The following GOLM2 variants were observed in gnomAD, a reference collection of about 807,000 sequenced individuals.
GOLM2 encodes the protein protein GOLM2.
In GOLM2, 26 loss-of-function variants were observed where a neutral mutation model predicts 55.9. That is an observed-to-expected ratio of 0.47 (90% confidence interval 0.34 to 0.65). GOLM2 has a LOEUF of 0.65. GOLM2 is among the 30% of genes least tolerant of loss of function. The probability of loss-of-function intolerance (pLI) is 0.01; values close to 1 mark genes in which losing one functional copy is unlikely to be tolerated. For synonymous variants in GOLM2, 165 were observed against 194.6 expected (o/e 0.85, Z 1.27); for missense variants, 486 against 531.8 (o/e 0.91, Z 0.85).
chr15:44,392,498 A>T (rs2079497581), intron 8 of GOLM2, among the ~76,000 whole-genome samples: 2 of 151,906 alleles, frequency 1.3e-5, no homozygotes, highest in Non-Finnish European at 2.9e-5. Context: ...TGGTGCGCAC[A>T]TATAGTACCA....
intron 1 of GOLM2, among the ~76,000 whole-genome samples, chr15:44,322,166 G>A (rs553482209): frequency 2.0e-4 from 31 of 152,072 alleles, no homozygotes; most frequent in Admixed American, 7.2e-4. Context: ...TCAGGAGTTC[G>A]AGACCAGCCT....
chr15:44,331,975 C>G lies in GOLM2; in HGVS notation c.486-13C>G. On this transcript the variant is annotated splice_polypyrimidine_tract_variant and intron_variant, in intron 3 of 9. Transcript: ENST00000299957. ...AAGATAATATAATCTAAAAGAATGACTTTGTAATTTAGTTTTCAGTGTGGA... is the reference window on the plus strand; with the variant it reads ...AAGATAATATAATCTAAAAGAATGAGTTTGTAATTTAGTTTTCAGTGTGGA... 6.5e-7 allele frequency: 1 copy of G among 1,545,076 alleles called. No homozygotes were observed. The highest frequency in any genetic ancestry group is 8.9e-7 in the Non-Finnish European group (1 of 1,120,856).
At chr15:44,394,786 T>A (rs2079513781) in intron 8 of GOLM2, among the ~76,000 whole-genome samples, 1 of 152,174 alleles carries the variant, frequency 6.6e-6, no homozygotes, top group Admixed American at 6.6e-5. Flanking sequence ...CTTGAAATAG[T>A]CACAACTCTA....
intron 8 of GOLM2, among the ~76,000 whole-genome samples, chr15:44,401,080 T>C (rs530476021): frequency 1.4e-4 from 21 of 152,180 alleles, no homozygotes; most frequent in South Asian, 2.1e-4. Context: ...TTCCTGAGTG[T>C]TCCATTGCAA....
intron 8 of GOLM2, among the ~76,000 whole-genome samples, chr15:44,383,862 A>C (rs2079422093): frequency 2.0e-5 from 3 of 151,746 alleles, no homozygotes; most frequent in Admixed American, 2.0e-4. Context: ...ATTTTTAAAC[A>C]AAAATGAGGT....
At position 44,311,584 on chromosome 15, in the gene GOLM2, A is replaced by G. The variant is rs148847067; in HGVS notation, c.328-11381A>G. On this transcript the variant is annotated intron_variant, in intron 1 of 9. Transcript: ENST00000299957. ...GGATGAGAACTAGAAATATTTGCCA[A>G]TGTTAATGAACTATCAAAAGTCTTG... Among the ~76,000 whole-genome samples, 1,127 of 152,242 alleles carry G rather than the reference A, an allele frequency of 7.4e-3. 12 individuals are homozygous for G. Among genetic ancestry groups the G allele is most frequent in the African/African-American group, 0.026 (1,078 of 41,546 alleles).
Position 44,358,755 on chromosome 15 carries a change from A to G in GOLM2, c.802+20438A>G, listed in dbSNP as rs534472077. 3.9e-5 allele frequency among the ~76,000 whole-genome samples: 6 copies of G among 152,356 alleles called. No individual in the cohort carries two copies. The East Asian group carries it at 1.2e-3, about 29-fold the overall frequency. ...ATGCAAAAGTATAAAACTAGAAGACAACAAGAGAAAACCTGGATTACCTTG... is the reference window on the plus strand; with the variant it reads ...ATGCAAAAGTATAAAACTAGAAGACGACAAGAGAAAACCTGGATTACCTTG... On this transcript the variant is annotated intron_variant, in intron 6 of 9. Coordinates refer to ENST00000299957, the MANE Select transcript of GOLM2 (RefSeq NM_138423.4).
At chr15:44,331,314 G>A (rs756346909) in intron 3 of GOLM2, among the ~76,000 whole-genome samples, 33 of 152,126 alleles carry the variant, frequency 2.2e-4, no homozygotes, top group Non-Finnish European at 4.4e-4. Flanking sequence ...ACCCTGCCTA[G>A]CCACATATAA....
At position 44,380,896 on chromosome 15, in the gene GOLM2, A is replaced by G. The variant is rs756174921; in HGVS notation, c.992A>G (p.Asp331Gly). ...CGTTTAATTCCAGGCTCAAACTTGG[A>G]CAGTGAACCCAGAATTCAAACAGAT... ...LQRLIPGSNL[D>G]SEPRIQTDIL... is the part of the protein sequence containing the mutation. Residue 331 changes from aspartate (D) to glycine (G), a missense_variant, in exon 8 of 10, where the codon GAC becomes GGC. Physicochemically the swap from Asp to Gly is moderately conservative, Grantham distance 94. Transcript: ENST00000299957. 4.4e-6 allele frequency: 7 copies of G among 1,602,532 alleles called. No individual in the cohort carries two copies. The South Asian group carries it at 7.9e-5, about 18-fold the overall frequency.
chr15:44,388,724 G>A (rs1365668228), intron 8 of GOLM2, among the ~76,000 whole-genome samples: 1 of 152,186 alleles, frequency 6.6e-6, no homozygotes, highest in African/African-American at 2.4e-5. Flanking sequence ...GTGCTGCCGG[G>A]CTGGATTCAA....
chr15:44,402,731 T>G (rs1202524622), intron 8 of GOLM2, 156 bp from the exon 9 acceptor site: 1 of 575,912 alleles, frequency 1.7e-6, no homozygotes, highest in African/African-American at 1.9e-5. Context: ...TCTTATATAC[T>G]TTTGTCTTGG....
chr15:44,375,959 G>A lies in GOLM2; in HGVS notation c.803-3731G>A, dbSNP rs567308689. 1.2e-4 allele frequency among the ~76,000 whole-genome samples: 18 copies of A among 152,222 alleles called. No individual in the cohort carries two copies. In the South Asian group the frequency reaches 2.7e-3, roughly 23 times the overall value. On this transcript the variant is annotated intron_variant, in intron 6 of 9. Transcript: ENST00000299957. ...CATACAAAGATATATATGTTGGGCC[G>A]GATGTGGTGGCTCACGCCTGTAATC...
intron 1 of GOLM2, among the ~76,000 whole-genome samples, chr15:44,312,021 G>A (rs781519970): frequency 6.6e-6 from 1 of 152,160 alleles, no homozygotes; most frequent in Non-Finnish European, 1.5e-5. Flanking sequence ...TTGGGAGAAT[G>A]TAACAAGAAA....
intron 1 of GOLM2, among the ~76,000 whole-genome samples, chr15:44,315,728 A>G (rs2078905026): frequency 6.6e-6 from 1 of 152,200 alleles, no homozygotes. Flanking sequence ...TCACAGGGAA[A>G]AGGCCAAACA....
intron 4 of GOLM2, among the ~76,000 whole-genome samples, chr15:44,337,451 AG>A (rs1431921960): frequency 6.6e-6 from 1 of 152,078 alleles, no homozygotes; most frequent in Non-Finnish European, 1.5e-5. Context: ...TTAGGCCATT[AG>A]GGTAACCTAG....
intron 8 of GOLM2, among the ~76,000 whole-genome samples, chr15:44,383,197 TCTC>T (rs1431256421): frequency 6.6e-6 from 1 of 151,670 alleles, no homozygotes; most frequent in African/African-American, 2.4e-5. Flanking sequence ...TTTACTTAGG[TCTC>T]CTCTCATTGT....
intron 2 of GOLM2, among the ~76,000 whole-genome samples, chr15:44,325,153 G>C (rs1279830401): frequency 1.4e-4 from 22 of 152,118 alleles, no homozygotes; most frequent in Non-Finnish European, 1.5e-5. Context: ...GTATCCATCA[G>C]TTATTTTTCC....
intron 8 of GOLM2, among the ~76,000 whole-genome samples, chr15:44,389,365 A>C (rs1212543408): frequency 1.3e-5 from 2 of 151,970 alleles, no homozygotes; most frequent in Non-Finnish European, 2.9e-5. Context: ...CCCTGTCTCT[A>C]CTGAAAATAC....
At chr15:44,316,179 C>T (rs769413945) in intron 1 of GOLM2, among the ~76,000 whole-genome samples, 39 of 152,146 alleles carry the variant, frequency 2.6e-4, no homozygotes, top group Admixed American at 6.5e-5. Flanking sequence ...ACAGCAGGGA[C>T]GTTTTGGCAG....
Sources: gnomAD v4.1 joint callset for allele counts (sites outside exome capture counted in the v4.1 genomes callset) on GRCh38, gnomAD v4.1.1 for gene constraint, MANE v1.5 for transcripts, NCBI Gene and HGNC (gene_info 2026-07-23, HGNC 2026-07-21) for gene names.